Variants in NEB observed in about 807,000 individuals in gnomAD.
NEB encodes the protein nebulin, also known as nemaline myopathy type 2.
A neutral mutation model predicts 952.2 loss-of-function variants in NEB; 512 were observed. The ratio of observed to expected loss-of-function variants is 0.54; its 90% CI spans 0.50 to 0.58. The LOEUF (loss-of-function observed/expected upper bound fraction) is 0.58, where lower values mean the gene tolerates loss of function less well. Ranked by LOEUF, NEB falls within the 20% of genes least tolerant of loss-of-function variation. The pLI, the probability that NEB is intolerant of heterozygous loss-of-function variation, is 0.00. For missense variants in NEB, 8,428 were observed against 9,231.1 expected (o/e 0.91, Z 3.56); for synonymous variants, 2,900 against 3,149.8 (o/e 0.92, Z 2.66).
intron 163 of NEB, chr2:151,506,514 C>G: frequency 2.2e-6 from 1 of 446,240 alleles, no homozygotes; most frequent in South Asian, 4.4e-5. Context: ...TGAGAAGAGC[C>G]AGGAAATGTT....
chr2:151,487,500 T>TAA lies in NEB; in HGVS notation c.25405-1569_25405-1568dup, dbSNP rs563314229. Among the ~76,000 whole-genome samples, 17 of 152,344 alleles carry TAA rather than the reference T, an allele frequency of 1.1e-4. No homozygotes were observed. The East Asian group carries it at 3.3e-3, about 29-fold the overall frequency. On this transcript the variant is annotated intron_variant, in intron 181 of 181. Coordinates refer to ENST00000397345, the MANE Select transcript of NEB (RefSeq NM_001164508.2). ...AATACTGTGATTTGTTCTTTCCATT[T>TAA]AATATAGCTTGGAAGTCTTTCCATG... is the stretch of plus-strand genomic sequence containing the variant.
rs1357070562 is a variant in NEB at position 151,568,036 on chromosome 2, C to T, written c.17844+35G>A. On this transcript the variant is annotated intron_variant, in intron 113 of 181. Coordinates refer to ENST00000397345, the MANE Select transcript of NEB (RefSeq NM_001164508.2). Reference sequence around the variant, plus strand: ...TGGAATCCCTGGGAGCAAGGTCCCACTTTTGCAAAATGCACTCCCATCAGG... The same window carrying T: ...TGGAATCCCTGGGAGCAAGGTCCCATTTTTGCAAAATGCACTCCCATCAGG... 5 of 1,548,328 alleles carry T rather than the reference C, an allele frequency of 3.2e-6. No individual in the cohort carries two copies. The East Asian group carries it at 1.1e-4, about 35-fold the overall frequency.
Position 151,627,720 on chromosome 2 carries a change from T to C in NEB, c.9946A>G (p.Arg3316Gly). Residue 3316 changes from arginine to glycine, a missense_variant, in exon 69 of 182, where the codon AGG becomes GGG. This residue lies in a region of NEB where 1,772 missense variants were observed against 1,960.3 expected (regional missense o/e 0.90). Transcript: ENST00000397345. The part of the protein sequence containing the change: ...SMHVAKIQSD[R>G]EYKKDFEKWK... ...TTCTCAAAGTCCTTCTTATACTCCC[T>C]GTCACTCTGGATCTTGGCCACATGC... 1 of 1,614,006 alleles carries C rather than the reference T, an allele frequency of 6.2e-7. No homozygotes were observed. Among genetic ancestry groups the C allele is most frequent in the Non-Finnish European group, 8.5e-7 (1 of 1,179,882 alleles).
chr2:151,667,762 G>C (rs367588710), intron 40 of NEB, 42 bp downstream of exon 40: 1 of 1,522,458 alleles, frequency 6.6e-7, no homozygotes, highest in South Asian at 1.2e-5. Flanking sequence ...AACTCCTGAA[G>C]TCTTTTAGAT....
chr2:151,656,137 T>C lies in NEB; in HGVS notation c.6495+16A>G. 2 of 1,575,316 alleles carry C rather than the reference T, an allele frequency of 1.3e-6. No individual in the cohort carries two copies. The highest frequency in any genetic ancestry group is 1.7e-6 in the Non-Finnish European group (2 of 1,158,658). ...GCTAGGATTCCAACCATCACCCAAG[T>C]AGAAGAAAGCCTTACATCACTCTGT... On this transcript the variant is annotated intron_variant, in intron 49 of 181. Transcript: ENST00000397345.
chr2:151,646,095 CT>C, intron 55 of NEB, 34 bp downstream of exon 55: 1 of 1,450,748 alleles, frequency 6.9e-7, no homozygotes, highest in Non-Finnish European at 9.4e-7. Flanking sequence ...TTAAAATGAG[CT>C]TTCTGAAAAC....
intron 80 of NEB, 23 bp downstream of exon 80, chr2:151,610,493 A>C: frequency 6.4e-7 from 1 of 1,558,102 alleles, no homozygotes; most frequent in Non-Finnish European, 8.9e-7. Flanking sequence ...GAGACCACAG[A>C]GAGTTAGATG....
In NEB at chr2:151,697,202, A is replaced by C. The variant is rs2149352479; in HGVS notation, c.1416T>G (p.Pro472=). ...CTTCATATTCTTGAGTTATGGTCTG[A>C]GGGAAGAAGCCTTTGCCTCTGTCTT... is the stretch of plus-strand genomic sequence containing the variant. The part of the protein sequence containing the change: ...YEEDRGKGFF[P]QTITQEYEAI... The change falls in exon 16 of 182, where the codon CCT becomes CCG. Residue 472 remains proline, a synonymous_variant. Coordinates refer to ENST00000397345, the MANE Select transcript of NEB (RefSeq NM_001164508.2). The C allele has an allele frequency of 6.2e-7, 1 of 1,613,806 alleles. No individual in the cohort carries two copies. Among genetic ancestry groups the C allele is most frequent in the Non-Finnish European group, 8.5e-7 (1 of 1,179,862 alleles).
chr2:151,518,621 G>A (rs141084270), intron 155 of NEB, among the ~76,000 whole-genome samples, 199 bp from the exon 156 acceptor site: 60 of 152,316 alleles, frequency 3.9e-4, no homozygotes, highest in South Asian at 2.3e-3. Context: ...TAAACACTTA[G>A]GTTATGTGGC....
chr2:151,553,102 A>G (rs1164994769), intron 127 of NEB, among the ~76,000 whole-genome samples: 1 of 152,196 alleles, frequency 6.6e-6, no homozygotes, highest in African/African-American at 2.4e-5. Context: ...AACAAATCAC[A>G]CTTTCCTAAA....
At position 151,655,317 on chromosome 2, in the gene NEB, T is replaced by TC. The variant is rs868838700; in HGVS notation, c.6759_6760insG (p.Thr2254AspfsTer15). On this transcript the variant is annotated frameshift_variant, in exon 51 of 182. Coordinates refer to ENST00000397345, the MANE Select transcript of NEB (RefSeq NM_001164508.2). LOFTEE classifies it high-confidence loss of function. Reference sequence around the variant, plus strand: ...TGCTTGGCTTGTAAAATATCTGGTGTATCAGGCATCACATGAATCTTGGTC... The same window carrying TC: ...TGCTTGGCTTGTAAAATATCTGGTGTCATCAGGCATCACATGAATCTTGGTC... 6.2e-7 allele frequency: 1 copy of TC among 1,601,462 alleles called. No homozygotes were observed. Among genetic ancestry groups the TC allele is most frequent in the African/African-American group, 1.3e-5 (1 of 74,610 alleles).
intron 135 of NEB, among the ~76,000 whole-genome samples, chr2:151,545,686 G>T (rs1188941714): frequency 6.6e-6 from 1 of 152,102 alleles, no homozygotes; most frequent in African/African-American, 2.4e-5. Context: ...TTACCAAAAG[G>T]GGGCAAAATA....
Position 151,655,830 on chromosome 2 carries a change from T to C in NEB, c.6689A>G (p.His2230Arg), listed in dbSNP as rs554577431. The C allele has an allele frequency of 1.2e-6, 2 of 1,613,582 alleles. No individual in the cohort carries two copies. Among genetic ancestry groups the C allele is most frequent in the East Asian group, 4.5e-5 (2 of 44,846 alleles). The change falls in exon 50 of 182, where the codon CAT becomes CGT. Residue 2230 changes from histidine (H) to arginine (R), a missense_variant. Physicochemically the swap from His to Arg is conservative, Grantham distance 29 (BLOSUM62 0). This residue lies in a region of NEB where 2,851 missense variants were observed against 2,791.5 expected (regional missense o/e 1.02). Transcript: ENST00000397345. ...TGTTCTCTGTACCTTGTTCATGGTA[T>C]GTGCATTCTGCTTGGCAAGCACCAT... ...MDMVLAKQNA[H>R]TMNKHLYTID... is the part of the protein sequence containing the mutation.
chr2:151,540,077 T>TC (rs1003320684), intron 138 of NEB, among the ~76,000 whole-genome samples: 1 of 152,160 alleles, frequency 6.6e-6, no homozygotes, highest in African/African-American at 2.4e-5. Context: ...CTGTCAAGTA[T>TC]CCCCAGAAAA....
At position 151,674,528 on chromosome 2, in the gene NEB, G is replaced by T. The variant is rs753005851; in HGVS notation, c.3936C>A (p.Gly1312=). 2 of 1,613,900 alleles carry T rather than the reference G, an allele frequency of 1.2e-6. No homozygotes were observed. The highest frequency in any genetic ancestry group is 2.2e-5 in the South Asian group (2 of 91,078). ...TGGCTGCAGTGATGGGAATAGCATC[G>T]CCCAGCACATTGTTGCCCTTGGCTA... ...DLIAKGNNVL[G]DAIPITAAKA... is the part of the protein sequence containing the mutation. The change falls in exon 36 of 182, where the codon GGC becomes GGA. Residue 1312 remains glycine, a synonymous_variant. Coordinates refer to ENST00000397345, the MANE Select transcript of NEB (RefSeq NM_001164508.2).
Position 151,568,196 on chromosome 2 carries a change from C to T in NEB, c.17737-18G>A. On this transcript the variant is annotated intron_variant, in intron 112 of 181. Transcript: ENST00000397345. ...TAGAGATACTGAAAGACAGAGCCAC[C>T]ATAAAGGGTTAAAATGAGGAGTCAG... 6.2e-7 allele frequency: 1 copy of T among 1,607,966 alleles called. No individual in the cohort carries two copies. The highest frequency in any genetic ancestry group is 8.5e-7 in the Non-Finnish European group (1 of 1,175,216).
intron 10 of NEB, 26 bp downstream of exon 10, chr2:151,717,390 G>GCGT (rs2150346615): frequency 6.7e-7 from 1 of 1,501,076 alleles, no homozygotes; most frequent in Non-Finnish European, 9.3e-7. Flanking sequence ...TTCAAGGGAG[G>GCGT]CAATGTCCCA....
intron 9 of NEB, among the ~76,000 whole-genome samples, chr2:151,722,239 CTGGATTTTCAATA>C (rs2099776228): frequency 6.6e-6 from 1 of 152,194 alleles, no homozygotes; most frequent in Admixed American, 6.5e-5. Flanking sequence ...GAGTAGCAGT[CTGGATTTTCAATA>C]TGGCCTCCCG....
At chr2:151,506,787 T>G (rs1308125041) in intron 163 of NEB, 122 bp downstream of exon 163, 1 of 680,508 alleles carries the variant, frequency 1.5e-6, no homozygotes, top group Admixed American at 2.9e-5. Context: ...AGCAAATCAC[T>G]GCTAGTATTA....
Sources: allele counts gnomAD v4.1 joint callset (sites outside exome capture counted in the v4.1 genomes callset), GRCh38; gene constraint gnomAD v4.1.1; regional missense constraint gnomAD v4.1.1; transcripts MANE v1.5; gene names NCBI Gene and HGNC (gene_info 2026-07-23, HGNC 2026-07-21).